LIMK1: variants seen among roughly 807,000 people sequenced by gnomAD.
LIMK1 encodes LIM domain kinase 1.
Under a neutral mutation model 77.6 loss-of-function variants are expected in LIMK1, and 21 were observed. That is an observed-to-expected ratio of 0.27 (90% CI 0.19 to 0.39). The LOEUF is 0.39. Ranked by LOEUF, LIMK1 falls within the 10% of genes least tolerant of loss-of-function variation. The probability of loss-of-function intolerance (pLI) is 1.00; values close to 1 mark genes in which losing one functional copy is unlikely to be tolerated. For synonymous variants in LIMK1, 358 were observed against 370.0 expected (o/e 0.97, Z 0.37); for missense variants, 696 against 901.6 (o/e 0.77, Z 2.92).
chr7:74,087,103 G>A (rs1221746173), intron 2 of LIMK1, among the ~76,000 whole-genome samples: 4 of 152,052 alleles, frequency 2.6e-5, no homozygotes, highest in Non-Finnish European at 1.5e-5. Context: ...GATTTCCTGG[G>A]TAGAAAAGTA....
intron 2 of LIMK1, among the ~76,000 whole-genome samples, chr7:74,088,429 A>G (rs1799176452): frequency 6.6e-6 from 1 of 152,280 alleles, no homozygotes; most frequent in East Asian, 1.9e-4. Flanking sequence ...CTTGGAAGGA[A>G]CAGAATAAGC....
intron 2 of LIMK1, chr7:74,094,163 C>G (rs1290077315): frequency 2.0e-5 from 3 of 152,470 alleles, no homozygotes; most frequent in Non-Finnish European, 4.4e-5. Flanking sequence ...AGCCTGGGGC[C>G]GCGGGGAGCT....
intron 8 of LIMK1, 67 bp downstream of exon 8, chr7:74,107,260 G>T: frequency 6.7e-7 from 1 of 1,488,484 alleles, no homozygotes; most frequent in Non-Finnish European, 9.0e-7. Flanking sequence ...TTCCTTCCCA[G>T]TCTATGGAAA....
intron 12 of LIMK1, among the ~76,000 whole-genome samples, chr7:74,112,257 C>T (rs1332432822): frequency 6.6e-6 from 1 of 152,126 alleles, no homozygotes; most frequent in East Asian, 1.9e-4. Flanking sequence ...TCTCATAAAT[C>T]AATGAAGGAG....
intron 13 of LIMK1, among the ~76,000 whole-genome samples, chr7:74,119,603 G>T (rs1584135503): frequency 1.3e-5 from 2 of 151,794 alleles, no homozygotes; most frequent in Middle Eastern, 3.4e-3. Context: ...TTAGAAACTT[G>T]ATTATTTAAA....
chr7:74,109,264 G>A (rs1048349157), intron 10 of LIMK1: 2 of 490,688 alleles, frequency 4.1e-6, no homozygotes, highest in Non-Finnish European at 7.6e-6. Context: ...GGAGCCCAAG[G>A]CAAGAGGATC....
chr7:74,109,232 C>A, intron 10 of LIMK1, 196 bp downstream of exon 10: 1 of 549,640 alleles, frequency 1.8e-6, no homozygotes, highest in East Asian at 3.4e-5. Flanking sequence ...CAATGGTGCA[C>A]ACCTGTTATT....
chr7:74,115,205 C>T (rs1346002623), intron 12 of LIMK1, among the ~76,000 whole-genome samples: 3 of 152,104 alleles, frequency 2.0e-5, no homozygotes, highest in African/African-American at 7.2e-5. Flanking sequence ...GGTGGATCAC[C>T]TGAGATCAGG....
intron 2 of LIMK1, among the ~76,000 whole-genome samples, chr7:74,092,009 C>T (rs1326931872): frequency 7.1e-6 from 1 of 141,760 alleles, no homozygotes; most frequent in Non-Finnish European, 1.5e-5. Context: ...TTTTGTTGCC[C>T]AGGCTGGAGT....
intron 2 of LIMK1, chr7:74,092,972 G>A: frequency 1.9e-6 from 1 of 522,866 alleles, no homozygotes; most frequent in Non-Finnish European, 3.2e-6. Context: ...GCCAGGGACG[G>A]GCCACAGGCT....
Position 74,112,018 on chromosome 7 carries a change from G to A in LIMK1, c.1410+20G>A, listed in dbSNP as rs782288148. Reference sequence around the variant, plus strand: ...CGCGAGGTGAGTACCAGGGCCCCACGTGGCTGGGTGTCAGGAGACAGCAGG... The same window carrying A: ...CGCGAGGTGAGTACCAGGGCCCCACATGGCTGGGTGTCAGGAGACAGCAGG... On this transcript the variant is annotated intron_variant, in intron 12 of 15. Transcript: ENST00000336180. 8 of 1,579,622 alleles carry A rather than the reference G, an allele frequency of 5.1e-6. No individual in the cohort carries two copies. The highest frequency in any genetic ancestry group is 4.1e-5 in the African/African-American group (3 of 73,912).
intron 3 of LIMK1, 21 bp from the exon 4 acceptor site, chr7:74,097,059 C>A: frequency 6.3e-7 from 1 of 1,576,214 alleles, no homozygotes; most frequent in Non-Finnish European, 8.7e-7. Flanking sequence ...CTGGGCTGTT[C>A]CCTCCTCACC....
intron 2 of LIMK1, among the ~76,000 whole-genome samples, chr7:74,094,672 G>A (rs189859140): frequency 2.6e-5 from 4 of 152,288 alleles, no homozygotes; most frequent in African/African-American, 9.6e-5. Context: ...TTCGAATTAG[G>A]TTAGAGCCCT....
At chr7:74,119,860 A>G (rs1300922823) in intron 13 of LIMK1, among the ~76,000 whole-genome samples, 1 of 152,128 alleles carries the variant, frequency 6.6e-6, no homozygotes, top group Non-Finnish European at 1.5e-5. Flanking sequence ...GTGAGCCACA[A>G]TCGTACCACT....
At chr7:74,085,965 G>A (rs1799130694) in intron 2 of LIMK1, 121 bp downstream of exon 2, 9 of 687,442 alleles carry the variant, frequency 1.3e-5, no homozygotes, top group Admixed American at 2.4e-5. Context: ...TTGTGACTTC[G>A]TGGCCTTAAT....
At chr7:74,096,900 T>C in intron 3 of LIMK1, 140 bp downstream of exon 3, 9 of 1,199,946 alleles carry the variant, frequency 7.5e-6, no homozygotes, top group Non-Finnish European at 1.0e-5. Context: ...CCTGACTGTC[T>C]GTCTGTATCC....
intron 2 of LIMK1, chr7:74,093,350 T>TGGG (rs1327827604): frequency 2.3e-5 from 36 of 1,532,934 alleles, no homozygotes; most frequent in Admixed American, 2.0e-5. Context: ...GCAGGGCCCC[T>TGGG]GGTGTAAGGC....
At chr7:74,105,363 A>G (rs1019840120) in intron 5 of LIMK1, among the ~76,000 whole-genome samples, 19 of 152,136 alleles carry the variant, frequency 1.2e-4, no homozygotes, top group Admixed American at 9.8e-4. Context: ...TACAAAAAAA[A>G]TTAGCTGGGT....
At chr7:74,117,872 C>G (rs922700296) in intron 13 of LIMK1, among the ~76,000 whole-genome samples, 1 of 152,058 alleles carries the variant, frequency 6.6e-6, no homozygotes, top group Non-Finnish European at 1.5e-5. Flanking sequence ...CTTTGGGAGG[C>G]TGAAGCAGGC....
Sources: gnomAD v4.1 joint callset for allele counts (sites outside exome capture counted in the v4.1 genomes callset) on GRCh38, gnomAD v4.1.1 for gene constraint, MANE v1.5 for transcripts, NCBI Gene and HGNC (gene_info 2026-07-23, HGNC 2026-07-21) for gene names.